The following HMG20A variants were observed in gnomAD, a reference collection of about 807,000 sequenced individuals.
HMG20A encodes the protein high mobility group protein 20A.
HMG20A carries 17 observed loss-of-function variants against 43.9 expected under a neutral mutation model. That is an observed-to-expected ratio of 0.39 (90% CI 0.27 to 0.58). The LOEUF (loss-of-function observed/expected upper bound fraction) is 0.58. Ranked by LOEUF, HMG20A falls within the 20% of genes least tolerant of loss-of-function variation. HMG20A has a pLI of 0.59. For synonymous variants in HMG20A, 132 were observed against 147.5 expected (o/e 0.89, Z 0.76); for missense variants, 341 against 438.2 (o/e 0.78, Z 1.98).
chr15:77,509,734 C>T, the HMG20A span, among the ~76,000 whole-genome samples: 5 of 151,540 alleles, frequency 3.3e-5, no homozygotes, highest in Non-Finnish European at 7.4e-5. Flanking sequence ...GGAGAAACCC[C>T]GTCTCTACTA....
At chr15:77,461,840 A>T (rs1470376143) in intron 2 of HMG20A, among the ~76,000 whole-genome samples, 1 of 152,258 alleles carries the variant, frequency 6.6e-6, no homozygotes, top group Non-Finnish European at 1.5e-5. Context: ...AATGAAAATG[A>T]CAGTGAAAGA....
chr15:77,422,231 C>T (rs1266915548), intron 1 of HMG20A, among the ~76,000 whole-genome samples: 1 of 152,156 alleles, frequency 6.6e-6, no homozygotes, highest in Non-Finnish European at 1.5e-5. Flanking sequence ...ACTGTATTGT[C>T]TTGCAAGAAT....
chr15:77,428,855 A>G (rs907452749), intron 1 of HMG20A, among the ~76,000 whole-genome samples: 4 of 152,012 alleles, frequency 2.6e-5, no homozygotes, highest in African/African-American at 9.6e-5. Flanking sequence ...GGTCATAGCT[A>G]CTCAGGAGGC....
intron 9 of HMG20A, chr15:77,479,586 TAAAAG>T (rs2072888668): frequency 6.7e-6 from 2 of 299,040 alleles, no homozygotes; most frequent in Admixed American, 4.8e-5. Flanking sequence ...TCTCTAAAAA[TAAAAG>T]AAAACAGACT....
At chr15:77,482,017 C>G (rs962742010) in intron 9 of HMG20A, 1 of 152,116 alleles carries the variant, frequency 6.6e-6, no homozygotes, top group African/African-American at 2.4e-5. Flanking sequence ...AGAAATCTAA[C>G]ATTTTATATA....
intron 1 of HMG20A, among the ~76,000 whole-genome samples, chr15:77,430,568 A>T (rs1055177339): frequency 6.6e-6 from 1 of 152,210 alleles, no homozygotes; most frequent in Non-Finnish European, 1.5e-5. Context: ...GCATGACAAG[A>T]TGCTGTGAAA....
chr15:77,449,160 A>AG (rs1353217850), intron 1 of HMG20A, among the ~76,000 whole-genome samples: 4 of 151,450 alleles, frequency 2.6e-5, no homozygotes, highest in Non-Finnish European at 5.9e-5. Flanking sequence ...CCCAGTGCCC[A>AG]GCCAAACACA....
At chr15:77,459,891 G>A (rs1368190064) in intron 2 of HMG20A, among the ~76,000 whole-genome samples, 2 of 152,164 alleles carry the variant, frequency 1.3e-5, no homozygotes, top group East Asian at 3.8e-4. Context: ...GCTGGTATGA[G>A]GCCCATACTT....
chr15:77,430,822 A>T (rs2073476790), intron 1 of HMG20A, among the ~76,000 whole-genome samples: 1 of 152,226 alleles, frequency 6.6e-6, no homozygotes, highest in Admixed American at 6.5e-5. Flanking sequence ...AACTTGTGAC[A>T]GCAACAATAT....
At chr15:77,441,070 A>G (rs1255929407) in intron 1 of HMG20A, among the ~76,000 whole-genome samples, 1 of 152,174 alleles carries the variant, frequency 6.6e-6, no homozygotes, top group Non-Finnish European at 1.5e-5. Context: ...ATATGATGAC[A>G]CCATACTACC....
chr15:77,501,320 T>C, the HMG20A span, among the ~76,000 whole-genome samples: 1 of 152,204 alleles, frequency 6.6e-6, no homozygotes, highest in East Asian at 1.9e-4. Context: ...TTGAAGTTGC[T>C]CCTGGCAACT....
At chr15:77,480,454 A>G (rs928898387) in intron 9 of HMG20A, among the ~76,000 whole-genome samples, 3 of 151,890 alleles carry the variant, frequency 2.0e-5, no homozygotes. Flanking sequence ...TTAAAAAAAA[A>G]TGAAAAAAAT....
intron 1 of HMG20A, among the ~76,000 whole-genome samples, chr15:77,425,439 T>C (rs2073416780): frequency 6.6e-6 from 1 of 152,234 alleles, no homozygotes; most frequent in Non-Finnish European, 1.5e-5. Context: ...ATGGCTATCA[T>C]ACATTAGACA....
intron 1 of HMG20A, among the ~76,000 whole-genome samples, chr15:77,440,744 G>A (rs746028269): frequency 6.6e-6 from 1 of 152,216 alleles, no homozygotes; most frequent in Non-Finnish European, 1.5e-5. Context: ...CACTTTCATT[G>A]CCCATGAGTT....
chr15:77,473,245 A>G (rs901251818), intron 6 of HMG20A, among the ~76,000 whole-genome samples: 5 of 152,254 alleles, frequency 3.3e-5, no homozygotes, highest in African/African-American at 1.2e-4. Flanking sequence ...CTATGCTCTA[A>G]TTAGGATGAA....
At chr15:77,466,421 A>G (rs1484452381) in intron 3 of HMG20A, among the ~76,000 whole-genome samples, 1 of 152,160 alleles carries the variant, frequency 6.6e-6, no homozygotes, top group African/African-American at 2.4e-5. Context: ...TAAAGGAACA[A>G]ATTGTCAAGC....
chr15:77,497,045 G>C, the HMG20A span, among the ~76,000 whole-genome samples: 4 of 152,312 alleles, frequency 2.6e-5, no homozygotes, highest in African/African-American at 9.6e-5. Flanking sequence ...AAGAACCTGG[G>C]GTTCCTGAAA....
chr15:77,508,688 G>A, the HMG20A span, among the ~76,000 whole-genome samples: 17 of 152,332 alleles, frequency 1.1e-4, no homozygotes, highest in Non-Finnish European at 1.8e-4. Flanking sequence ...CACTTGGCAG[G>A]CCACGTATAT....
At chr15:77,430,113 T>G (rs2073468649) in intron 1 of HMG20A, among the ~76,000 whole-genome samples, 1 of 152,220 alleles carries the variant, frequency 6.6e-6, no homozygotes, top group Non-Finnish European at 1.5e-5. Flanking sequence ...CTATATAAAG[T>G]ATTTGGCACA....
Sources: gnomAD v4.1 joint callset for allele counts (sites outside exome capture counted in the v4.1 genomes callset) on GRCh38, gnomAD v4.1.1 for gene constraint, MANE v1.5 for transcripts, NCBI Gene and HGNC (gene_info 2026-07-23, HGNC 2026-07-21) for gene names.